The following CYB5B variants were observed in gnomAD, a reference collection of about 807,000 sequenced individuals.
CYB5B encodes the protein cytochrome b5 type B.
Under a neutral mutation model 21.3 loss-of-function variants are expected in CYB5B, and 14 were observed. That is an observed-to-expected ratio of 0.66 (90% confidence interval 0.43 to 1.03). CYB5B has a LOEUF of 1.03. CYB5B is among the 50% of genes least tolerant of loss of function. CYB5B has a pLI of 0.00. For missense variants in CYB5B, 166 were observed against 185.1 expected (o/e 0.90, Z 0.60); for synonymous variants, 69 against 68.4 (o/e 1.01, Z -0.04).
chr16:69,466,001 C>T lies in CYB5B; in HGVS notation c.*3481C>T, dbSNP rs1432281425. The T allele has an allele frequency of 6.6e-6, 1 of 152,620 alleles. No homozygotes were observed. The highest frequency in any genetic ancestry group is 1.5e-5 in the Non-Finnish European group (1 of 68,026). The allele number at this position is 152,620 out of a possible 1,614,324, so 9.5% of individuals were successfully genotyped here. A position where few individuals can be genotyped will look rare whatever the true frequency, so the allele number is the denominator to read the frequency against. ...TATCCAGCATCCTCCTCATGAGCTT[C>T]AGTAGCTGCTCTTTGCCCACGCTTG... On this transcript the variant is annotated 3_prime_UTR_variant, in exon 5 of 5. Transcript: ENST00000307892.
chr16:69,435,441 T>C (rs1159540261), intron 1 of CYB5B, among the ~76,000 whole-genome samples: 2 of 152,180 alleles, frequency 1.3e-5, no homozygotes, highest in African/African-American at 4.8e-5. Flanking sequence ...AGGGAAGATC[T>C]GTGCCCAAGT....
At chr16:69,455,996 C>T (rs1009726668) in intron 3 of CYB5B, among the ~76,000 whole-genome samples, 23 of 152,016 alleles carry the variant, frequency 1.5e-4, no homozygotes, top group African/African-American at 1.2e-4. Context: ...GTTTTACAAA[C>T]GAGGAAACTG....
At position 69,464,450 on chromosome 16, in the gene CYB5B, G is replaced by A. The variant is rs1255896601; in HGVS notation, c.*1930G>A. On this transcript the variant is annotated 3_prime_UTR_variant, in exon 5 of 5. Coordinates refer to ENST00000307892, the MANE Select transcript of CYB5B (RefSeq NM_030579.3). ...TGATGCTTCTCTATTTAAAGGCAAG[G>A]AAGGATTGGTATATGATTGCCTGTA... 1 of 152,180 alleles carries A rather than the reference G, an allele frequency of 6.6e-6. No individual in the cohort carries two copies. The highest frequency in any genetic ancestry group is 1.5e-5 in the Non-Finnish European group (1 of 68,034). 9.4% of individuals were successfully genotyped at this position (152,180 alleles called of 1,614,324 possible).
chr16:69,442,144 T>G (rs941471854), intron 1 of CYB5B, among the ~76,000 whole-genome samples: 1 of 38,620 alleles, frequency 2.6e-5, no homozygotes, highest in African/African-American at 2.8e-4. Flanking sequence ...TGCTTGGATC[T>G]CAAAATAGGA....
intron 1 of CYB5B, among the ~76,000 whole-genome samples, chr16:69,441,247 G>A (rs1052564077): frequency 4.1e-5 from 6 of 146,910 alleles, no homozygotes; most frequent in African/African-American, 7.6e-5. Context: ...TCCGCCTCCC[G>A]CGTTCAAGTG....
intron 4 of CYB5B, among the ~76,000 whole-genome samples, chr16:69,461,411 A>T (rs1399728750): frequency 6.6e-6 from 1 of 152,166 alleles, no homozygotes; most frequent in African/African-American, 2.4e-5. Context: ...TACCTGGCTG[A>T]TATTCTAAAC....
chr16:69,464,594 G>GTT lies in CYB5B; in HGVS notation c.*2075_*2076dup, dbSNP rs1441444892. On this transcript the variant is annotated 3_prime_UTR_variant, in exon 5 of 5. Coordinates refer to ENST00000307892, the MANE Select transcript of CYB5B (RefSeq NM_030579.3). ...CCAAGCCTGAAGATAACTTGAATCAGTTGTAAAAGTGTGTTGGCAATGTCC... is the reference window on the plus strand; with the variant it reads ...CCAAGCCTGAAGATAACTTGAATCAGTTTTGTAAAAGTGTGTTGGCAATGTCC... The GTT allele has an allele frequency of 6.6e-6, 1 of 152,456 alleles. No individual in the cohort carries two copies. The highest frequency in any genetic ancestry group is 1.5e-5 in the Non-Finnish European group (1 of 68,044). 9.4% of individuals were successfully genotyped at this position (152,456 alleles called of 1,614,324 possible). A position where few individuals can be genotyped will look rare whatever the true frequency, so the allele number is the denominator to read the frequency against.
chr16:69,440,994 T>A (rs2014816213), intron 1 of CYB5B, among the ~76,000 whole-genome samples: 2 of 152,100 alleles, frequency 1.3e-5, no homozygotes, highest in South Asian at 4.1e-4. Flanking sequence ...TTTATTGAGA[T>A]AATTGTAGAT....
At chr16:69,456,807 AG>A (rs1441703387) in intron 3 of CYB5B, among the ~76,000 whole-genome samples, 9 of 152,280 alleles carry the variant, frequency 5.9e-5, no homozygotes, top group African/African-American at 1.9e-4. Context: ...AGGTGAAGGG[AG>A]GTTATGTGTT....
chr16:69,424,859 TG>T lies in CYB5B; in HGVS notation c.174+6del. The T allele has an allele frequency of 6.4e-7, 1 of 1,573,640 alleles. No homozygotes were observed. The highest frequency in any genetic ancestry group is 1.2e-5 in the South Asian group (1 of 85,882). On this transcript the variant is annotated splice_donor_region_variant and intron_variant, in intron 1 of 4. Transcript: ENST00000307892. The stretch of plus-strand genomic sequence containing the variant: ...GATGTCACCCGCTTCCTCAACGAGG[TG>T]GGGCCTGGGAGGTGGGAGGCCTCTG...
chr16:69,462,290 C>A (rs2015042527), intron 4 of CYB5B, 140 bp from the exon 5 acceptor site: 2 of 641,950 alleles, frequency 3.1e-6, no homozygotes, highest in Non-Finnish European at 2.7e-6. Flanking sequence ...TTTTCCCCAA[C>A]TACTTTGTGA....
At position 69,464,429 on chromosome 16, in the gene CYB5B, G is replaced by C. The variant is rs2015066852; in HGVS notation, c.*1909G>C. ...TTTAACAAAAGTGGTATGACTTGAT[G>C]CTTCTCTATTTAAAGGCAAGGAAGG... On this transcript the variant is annotated 3_prime_UTR_variant, in exon 5 of 5. Coordinates refer to ENST00000307892, the MANE Select transcript of CYB5B (RefSeq NM_030579.3). 6.6e-6 allele frequency: 1 copy of C among 152,160 alleles called. No homozygotes were observed. Among genetic ancestry groups the C allele is most frequent in the Non-Finnish European group, 1.5e-5 (1 of 68,026 alleles). 9.4% of individuals were successfully genotyped at this position (152,160 alleles called of 1,614,324 possible). A position where few individuals can be genotyped will look rare whatever the true frequency, so the allele number is the denominator to read the frequency against.
intron 1 of CYB5B, among the ~76,000 whole-genome samples, chr16:69,435,166 C>A (rs1429686123): frequency 3.9e-5 from 6 of 152,082 alleles, no homozygotes; most frequent in Non-Finnish European, 8.8e-5. Flanking sequence ...TCTGTAAAGG[C>A]CCTTTTCCCT....
At chr16:69,429,856 C>G (rs1273143441) in intron 1 of CYB5B, among the ~76,000 whole-genome samples, 1 of 152,056 alleles carries the variant, frequency 6.6e-6, no homozygotes, top group East Asian at 1.9e-4. Context: ...ACTTTGGGGC[C>G]CCTCCTTTAG....
At chr16:69,426,083 G>C (rs905330795) in intron 1 of CYB5B, among the ~76,000 whole-genome samples, 1 of 152,174 alleles carries the variant, frequency 6.6e-6, no homozygotes, top group Non-Finnish European at 1.5e-5. Context: ...CATTTGTATG[G>C]TGTATGGCAT....
intron 3 of CYB5B, 69 bp downstream of exon 3, chr16:69,448,213 T>C (rs752190145): frequency 6.5e-7 from 1 of 1,541,940 alleles, no homozygotes; most frequent in South Asian, 1.2e-5. Flanking sequence ...TTTTGAAACA[T>C]TTTTTCTTAA....
intron 3 of CYB5B, among the ~76,000 whole-genome samples, chr16:69,455,149 C>T (rs1055140112): frequency 6.6e-6 from 1 of 152,152 alleles, no homozygotes; most frequent in African/African-American, 2.4e-5. Flanking sequence ...CTGTCTCGGC[C>T]TCCCCAAGTG....
intron 1 of CYB5B, among the ~76,000 whole-genome samples, chr16:69,425,459 CAA>C (rs1182887489): frequency 6.6e-6 from 1 of 151,104 alleles, no homozygotes; most frequent in Admixed American, 6.6e-5. Flanking sequence ...CTTAAATATT[CAA>C]GACTGTTTTA....
intron 3 of CYB5B, among the ~76,000 whole-genome samples, chr16:69,450,406 G>A (rs1421414119): frequency 2.6e-5 from 4 of 152,096 alleles, no homozygotes; most frequent in African/African-American, 2.4e-5. Flanking sequence ...TTTTCCTCAT[G>A]TCACTGTACT....
Sources: gnomAD v4.1 joint callset for allele counts (sites outside exome capture counted in the v4.1 genomes callset) on GRCh38, gnomAD v4.1.1 for gene constraint, MANE v1.5 for transcripts, NCBI Gene and HGNC (gene_info 2026-07-23, HGNC 2026-07-21) for gene names.